ST6GAL2: variants seen among roughly 807,000 people sequenced by gnomAD.
ST6GAL2 encodes ST6 beta-galactoside alpha-2,6-sialyltransferase 2.
ST6GAL2 carries 24 observed loss-of-function variants against 37.5 expected under a neutral mutation model. That is an observed-to-expected ratio of 0.64 (90% confidence interval 0.46 to 0.90). ST6GAL2 has a LOEUF of 0.90. Among genes scored for constraint, ST6GAL2 ranks in the 40% least tolerant of loss-of-function variants. The pLI is 0.00. For synonymous variants in ST6GAL2, 306 were observed against 295.1 expected, an observed-to-expected ratio of 1.04 and a Z score of -0.38; for missense variants, 715 against 712.7, an observed-to-expected ratio of 1.00 and a Z score of -0.04.
chr2:106,830,917 C>T (rs924397967), intron 4 of ST6GAL2, among the ~76,000 whole-genome samples: 11 of 152,188 alleles, frequency 7.2e-5, no homozygotes, highest in Admixed American at 6.5e-4. Flanking sequence ...TCAAAAGGTA[C>T]ATTTATATTT....
intron 1 of ST6GAL2, among the ~76,000 whole-genome samples, chr2:106,878,151 C>A (rs1471246163): frequency 6.6e-6 from 1 of 152,200 alleles, no homozygotes; most frequent in African/African-American, 2.4e-5. Context: ...AATACGAATA[C>A]AACAATAAAA....
At chr2:106,867,400 T>C (rs1166377394) in intron 1 of ST6GAL2, among the ~76,000 whole-genome samples, 3 of 152,148 alleles carry the variant, frequency 2.0e-5, no homozygotes, top group Non-Finnish European at 4.4e-5. Context: ...TTTTCTTAAG[T>C]TTTTCCCCTT....
intron 5 of ST6GAL2, among the ~76,000 whole-genome samples, chr2:106,819,211 AC>A (rs908704422): frequency 3.3e-5 from 5 of 152,136 alleles, no homozygotes; most frequent in African/African-American, 1.2e-4. Flanking sequence ...AACTTCCAAA[AC>A]CTAGAGAAAT....
chr2:106,827,642 T>G (rs1676258748), intron 5 of ST6GAL2, among the ~76,000 whole-genome samples: 1 of 152,208 alleles, frequency 6.6e-6, no homozygotes, highest in Non-Finnish European at 1.5e-5. Context: ...AACATAACAG[T>G]GCTGTCTACA....
In ST6GAL2 at chr2:106,856,084, A is replaced by G. The variant is rs559426023; in HGVS notation, c.-57-12050T>C. On this transcript the variant is annotated intron_variant, in intron 1 of 5. Coordinates refer to ENST00000409382, the MANE Select transcript of ST6GAL2 (RefSeq NM_001142351.2). The stretch of plus-strand genomic sequence containing the variant: ...CTTGGCTGCATCTTCTGTAAAATGA[A>G]GAGCATCCCAACCTCACAGAGTTGT... Among the ~76,000 whole-genome samples, 2 of 152,358 alleles carry G rather than the reference A, an allele frequency of 1.3e-5. 1 individual carries two copies. Among genetic ancestry groups the G allele is most frequent in the East Asian group, 3.9e-4 (2 of 5,182 alleles).
chr2:106,818,471 G>A (rs1675886724), intron 5 of ST6GAL2, among the ~76,000 whole-genome samples: 1 of 149,856 alleles, frequency 6.7e-6, no homozygotes, highest in Non-Finnish European at 1.5e-5. Context: ...GACCACCAAG[G>A]CAGTACCTCT....
At position 106,853,768 on chromosome 2, in the gene ST6GAL2, T is replaced by C. The variant is rs563191951; in HGVS notation, c.-57-9734A>G. Reference sequence around the variant, plus strand: ...AGTTTAAAAGGCAAAGATTCACATATGTGAGCCACTCTGGGCATCTCCCAG... The same window carrying C: ...AGTTTAAAAGGCAAAGATTCACATACGTGAGCCACTCTGGGCATCTCCCAG... On this transcript the variant is annotated intron_variant, in intron 1 of 5. Transcript: ENST00000409382. Among the ~76,000 whole-genome samples the C allele has an allele frequency of 8.8e-4, 134 of 152,246 alleles. 1 individual carries two copies. The highest frequency in any genetic ancestry group is 3.0e-3 in the African/African-American group (126 of 41,546).
chr2:106,884,936 C>CAT (rs1491509971), intron 1 of ST6GAL2, among the ~76,000 whole-genome samples: 1 of 95,986 alleles, frequency 1.0e-5, no homozygotes, highest in Non-Finnish European at 1.9e-5. Context: ...TATATATATA[C>CAT]ATACACACAC....
chr2:106,814,652 G>A (rs1675733018), intron 5 of ST6GAL2, among the ~76,000 whole-genome samples: 1 of 152,214 alleles, frequency 6.6e-6, no homozygotes, highest in Admixed American at 6.5e-5. Flanking sequence ...GAGCCGGGGT[G>A]GGTGAGGCTG....
At chr2:106,833,244 C>T (rs1676495335) in intron 3 of ST6GAL2, among the ~76,000 whole-genome samples, 1 of 151,072 alleles carries the variant, frequency 6.6e-6, no homozygotes, top group South Asian at 2.1e-4. Flanking sequence ...GTTAAAGTTT[C>T]TTAGTTAGAA....
Position 106,802,323 on chromosome 2 carries a change from A to C in ST6GAL2, c.*4355T>G, listed in dbSNP as rs1032970204. 2 of 152,180 alleles carry C rather than the reference A, an allele frequency of 1.3e-5. No homozygotes were observed. Among genetic ancestry groups the C allele is most frequent in the Non-Finnish European group, 2.9e-5 (2 of 68,038 alleles). The allele number at this position is 152,180 out of a possible 1,614,324, so 9.4% of individuals were successfully genotyped here. On this transcript the variant is annotated 3_prime_UTR_variant, in exon 6 of 6. Coordinates refer to ENST00000409382, the MANE Select transcript of ST6GAL2 (RefSeq NM_001142351.2). ...AATATAAAACCAACCATGTGTGTAG[A>C]TATGTATATACACAATTATATAACT...
At chr2:106,884,772 TC>T (rs1402187837) in intron 1 of ST6GAL2, among the ~76,000 whole-genome samples, 1 of 151,720 alleles carries the variant, frequency 6.6e-6, no homozygotes, top group African/African-American at 2.4e-5. Context: ...AGTACAAAAT[TC>T]CTCAAGTGGT....
intron 5 of ST6GAL2, among the ~76,000 whole-genome samples, chr2:106,819,455 T>A (rs1165165883): frequency 6.6e-6 from 1 of 152,038 alleles, no homozygotes; most frequent in Admixed American, 6.5e-5. Context: ...GCATGACATA[T>A]TTAAAGTGCA....
rs115279404 is a variant in ST6GAL2 at position 106,831,388 on chromosome 2, A to G, written c.1144-1148T>C. ...CTGAGCTGCTTCTAACAGAGGAAGAAATAAGGTCCAATAGCTAGAAACTCT... is the reference window on the plus strand; with the variant it reads ...CTGAGCTGCTTCTAACAGAGGAAGAGATAAGGTCCAATAGCTAGAAACTCT... On this transcript the variant is annotated intron_variant, in intron 4 of 5. Transcript: ENST00000409382. Among the ~76,000 whole-genome samples the G allele has an allele frequency of 4.0e-3, 613 of 152,346 alleles. 6 individuals are homozygous for G. Among genetic ancestry groups the G allele is most frequent in the African/African-American group, 0.014 (579 of 41,580 alleles).
chr2:106,884,535 T>A (rs1207294439), intron 1 of ST6GAL2, among the ~76,000 whole-genome samples: 1 of 152,042 alleles, frequency 6.6e-6, no homozygotes, highest in Non-Finnish European at 1.5e-5. Context: ...AAGCAGTGAC[T>A]CCTATCACAA....
chr2:106,881,888 T>C lies in ST6GAL2; in HGVS notation c.-58+4205A>G, dbSNP rs13423352. Among the ~76,000 whole-genome samples the C allele has an allele frequency of 1.3e-3, 197 of 152,350 alleles. 2 individuals carry two copies. Among genetic ancestry groups the C allele is most frequent in the African/African-American group, 4.5e-3 (188 of 41,588 alleles). ...TCTAATGCTTTAGCCAATGTATTTT[T>C]AAATGTCCCAGGAGACTACTTTTTG... On this transcript the variant is annotated intron_variant, in intron 1 of 5. Transcript: ENST00000409382.
At chr2:106,858,797 G>T (rs1431167623) in intron 1 of ST6GAL2, among the ~76,000 whole-genome samples, 1 of 152,118 alleles carries the variant, frequency 6.6e-6, no homozygotes, top group African/African-American at 2.4e-5. Context: ...CTGCACCTCT[G>T]CATCTTAGAT....
chr2:106,878,233 C>T (rs376244701), intron 1 of ST6GAL2, among the ~76,000 whole-genome samples: 1 of 152,124 alleles, frequency 6.6e-6, no homozygotes, highest in East Asian at 1.9e-4. Flanking sequence ...GGGGTTGAGG[C>T]GGGAGGATCG....
intron 1 of ST6GAL2, among the ~76,000 whole-genome samples, chr2:106,846,176 G>A (rs926703586): frequency 6.6e-6 from 1 of 152,192 alleles, no homozygotes; most frequent in African/African-American, 2.4e-5. Flanking sequence ...ATGGAAGACC[G>A]GATAGGAGAG....
Sources: gnomAD v4.1 joint callset for allele counts (sites outside exome capture counted in the v4.1 genomes callset) on GRCh38, gnomAD v4.1.1 for gene constraint, MANE v1.5 for transcripts, NCBI Gene and HGNC (gene_info 2026-07-23, HGNC 2026-07-21) for gene names.